The following GDAP2 variants were observed in gnomAD, a reference collection of about 807,000 sequenced individuals.
The protein encoded by GDAP2 is ganglioside-induced differentiation-associated protein 2.
In GDAP2, 51 loss-of-function variants were observed where a neutral mutation model predicts 67.0. The observed-to-expected ratio is 0.76, with a 90% CI of 0.61 to 0.96. The LOEUF (loss-of-function observed/expected upper bound fraction) is 0.96, where lower values mean the gene tolerates loss of function less well. GDAP2 is among the 40% of genes least tolerant of loss of function. GDAP2 has a pLI of 0.00. For synonymous variants in GDAP2, 203 were observed against 207.3 expected (o/e 0.98, Z 0.18); for missense variants, 547 against 588.3 (o/e 0.93, Z 0.73).
chr1:117,890,844 A>G (rs1557799428), intron 8 of GDAP2, among the ~76,000 whole-genome samples: 1 of 152,016 alleles, frequency 6.6e-6, no homozygotes, highest in East Asian at 1.9e-4. Context: ...TCATATTGCT[A>G]ACATTCATCC....
At chr1:117,914,061 C>T (rs1490026939) in intron 3 of GDAP2, among the ~76,000 whole-genome samples, 3 of 152,130 alleles carry the variant, frequency 2.0e-5, no homozygotes, top group South Asian at 2.1e-4. Flanking sequence ...GCCATTCAGC[C>T]TAGGATACTT....
chr1:117,906,493 G>A lies in GDAP2; in HGVS notation c.636+13C>T, dbSNP rs770276417. 1 of 1,396,356 alleles carries A rather than the reference G, an allele frequency of 7.2e-7. No homozygotes were observed. Among genetic ancestry groups the A allele is most frequent in the Admixed American group, 1.8e-5 (1 of 55,310 alleles). The allele number at this position is 1,396,356 out of a possible 1,614,324, so 86.5% of individuals were successfully genotyped here. ...GAAATAAGATTTAAATAACGTAACA[G>A]TTAGCAAAATACCTCTTCAAGATCA... is the stretch of plus-strand genomic sequence containing the variant. On this transcript the variant is annotated intron_variant, in intron 6 of 13. Transcript: ENST00000369443.
intron 8 of GDAP2, among the ~76,000 whole-genome samples, chr1:117,894,018 C>A (rs1197492859): frequency 2.0e-5 from 3 of 152,122 alleles, no homozygotes; most frequent in Non-Finnish European, 4.4e-5. Context: ...TTAATTTCTG[C>A]TAGATTCTCA....
intron 8 of GDAP2, among the ~76,000 whole-genome samples, chr1:117,895,169 G>A (rs563716238): frequency 5.9e-5 from 9 of 152,218 alleles, no homozygotes; most frequent in African/African-American, 1.9e-4. Context: ...TTACAACTAT[G>A]TTTTAAAACA....
intron 6 of GDAP2, among the ~76,000 whole-genome samples, chr1:117,901,616 AATGGTGTGGAGCAC>A (rs1429474097): frequency 3.3e-5 from 5 of 152,214 alleles, no homozygotes; most frequent in Admixed American, 6.5e-5. Context: ...TCTAATGGTT[AATGGTGTGGAGCAC>A]CTTTTCAGTG....
At chr1:117,918,923 C>T (rs1650144013) in intron 2 of GDAP2, among the ~76,000 whole-genome samples, 187 bp from the exon 3 acceptor site, 1 of 152,122 alleles carries the variant, frequency 6.6e-6, no homozygotes, top group South Asian at 2.1e-4. Context: ...ATCTTTAATG[C>T]AATTGTTATA....
At chr1:117,908,995 G>C (rs960931209) in intron 5 of GDAP2, among the ~76,000 whole-genome samples, 11 of 152,048 alleles carry the variant, frequency 7.2e-5, no homozygotes, top group Non-Finnish European at 1.3e-4. Context: ...TCTCTCAGTG[G>C]AATTCATTTA....
chr1:117,913,152 G>T (rs1156362261), intron 3 of GDAP2, among the ~76,000 whole-genome samples: 1 of 152,138 alleles, frequency 6.6e-6, no homozygotes. Context: ...ATTTAAGAGG[G>T]ATACTAGTAG....
In GDAP2 at chr1:117,906,467, A is replaced by G. The variant is rs372858321; in HGVS notation, c.636+39T>C. On this transcript the variant is annotated intron_variant, in intron 6 of 13. Transcript: ENST00000369443. ...AAGCCAAAGTCAAATGCTTAAAGATAGAAATAAGATTTAAATAACGTAACA... is the reference window on the plus strand; with the variant it reads ...AAGCCAAAGTCAAATGCTTAAAGATGGAAATAAGATTTAAATAACGTAACA... 5.7e-6 allele frequency: 6 copies of G among 1,060,226 alleles called. No individual in the cohort carries two copies. In the Admixed American group the frequency reaches 5.9e-5, roughly 10 times the overall value. The allele number at this position is 1,060,226 out of a possible 1,614,324, so 65.7% of individuals were successfully genotyped here. A position where few individuals can be genotyped will look rare whatever the true frequency, so the allele number is the denominator to read the frequency against.
chr1:117,909,548 A>G (rs1258699046), intron 5 of GDAP2, among the ~76,000 whole-genome samples: 1 of 152,232 alleles, frequency 6.6e-6, no homozygotes, highest in East Asian at 1.9e-4. Context: ...ACAAAAGTGT[A>G]TAAGCCATTT....
chr1:117,864,958 A>G lies in GDAP2; in HGVS notation c.*5611T>C, dbSNP rs1648011363. On this transcript the variant is annotated 3_prime_UTR_variant, in exon 14 of 14. Transcript: ENST00000369443. ...CCTTTCCTTGAAAGAGAAAATCTGG[A>G]AGCTAAATGCAGTCTATACTCTTTT... 6.6e-6 allele frequency: 1 copy of G among 152,210 alleles called. No individual in the cohort carries two copies. Among genetic ancestry groups the G allele is most frequent in the Non-Finnish European group, 1.5e-5 (1 of 68,052 alleles). The allele number at this position is 152,210 out of a possible 1,614,324, so 9.4% of individuals were successfully genotyped here. A position where few individuals can be genotyped will look rare whatever the true frequency, so the allele number is the denominator to read the frequency against.
intron 1 of GDAP2, among the ~76,000 whole-genome samples, chr1:117,921,747 A>T (rs936002369): frequency 2.0e-5 from 3 of 152,228 alleles, no homozygotes; most frequent in Admixed American, 2.0e-4. Flanking sequence ...AAATATAAAT[A>T]ATATTTGAAA....
chr1:117,870,484 A>G lies in GDAP2; in HGVS notation c.*85T>C. ...GACAAAAGGCTCTCTGGATCTGTAC[A>G]GCAACAATGAATATCACTTCAACAG... On this transcript the variant is annotated 3_prime_UTR_variant, in exon 14 of 14. Coordinates refer to ENST00000369443, the MANE Select transcript of GDAP2 (RefSeq NM_017686.4). 1.1e-6 allele frequency: 1 copy of G among 871,510 alleles called. No individual in the cohort carries two copies. The highest frequency in any genetic ancestry group is 2.4e-5 in the East Asian group (1 of 41,550). 54.0% of individuals were successfully genotyped at this position (871,510 alleles called of 1,614,324 possible).
At chr1:117,881,705 A>T in intron 12 of GDAP2, 118 bp downstream of exon 12, 2 of 692,788 alleles carry the variant, frequency 2.9e-6, no homozygotes, top group Non-Finnish European at 5.2e-6. Context: ...CTTAGAAACC[A>T]GGAAATTAGC....
Position 117,864,719 on chromosome 1 carries a change from T to C in GDAP2, c.*5850A>G, listed in dbSNP as rs1648002141. 1 of 152,250 alleles carries C rather than the reference T, an allele frequency of 6.6e-6. No individual in the cohort carries two copies. Among genetic ancestry groups the C allele is most frequent in the East Asian group, 1.9e-4 (1 of 5,184 alleles). 9.4% of individuals were successfully genotyped at this position (152,250 alleles called of 1,614,324 possible). Reference sequence around the variant, plus strand: ...TAATAAATATAAATTAAGCAAAAACTGAGGAGCTAAGAGATTTTTTTCCTT... The same window carrying C: ...TAATAAATATAAATTAAGCAAAAACCGAGGAGCTAAGAGATTTTTTTCCTT... On this transcript the variant is annotated 3_prime_UTR_variant, in exon 14 of 14. Transcript: ENST00000369443.
intron 6 of GDAP2, among the ~76,000 whole-genome samples, chr1:117,899,486 G>A (rs2101139291): frequency 6.6e-6 from 1 of 152,128 alleles, no homozygotes; most frequent in East Asian, 1.9e-4. Flanking sequence ...TGCCACTCCT[G>A]TCCCCATCCG....
intron 8 of GDAP2, among the ~76,000 whole-genome samples, chr1:117,888,559 G>A (rs1040012861): frequency 2.6e-5 from 4 of 152,074 alleles, no homozygotes; most frequent in South Asian, 2.1e-4. Flanking sequence ...CTAGATTTCC[G>A]GAAAGGTCAG....
At chr1:117,891,128 G>GAA (rs1649068006) in intron 8 of GDAP2, among the ~76,000 whole-genome samples, 1 of 149,446 alleles carries the variant, frequency 6.7e-6, no homozygotes, top group Non-Finnish European at 1.5e-5. Flanking sequence ...TACTTAATCT[G>GAA]TATATATCAT....
rs1169511810 is a variant in GDAP2 at position 117,870,344 on chromosome 1, CATT to C, written c.*222_*224del. 25 of 516,200 alleles carry C rather than the reference CATT, an allele frequency of 4.8e-5. No individual in the cohort carries two copies. Among genetic ancestry groups the C allele is most frequent in the Non-Finnish European group, 8.5e-5 (25 of 293,602 alleles). 32.0% of individuals were successfully genotyped at this position (516,200 alleles called of 1,614,324 possible). On this transcript the variant is annotated 3_prime_UTR_variant, in exon 14 of 14. Transcript: ENST00000369443. ...TTAACAATCTAAAAATGAACATTTC[CATT>C]TCATATAAATATACAAATTTAAAAT...
Sources: allele counts gnomAD v4.1 joint callset (sites outside exome capture counted in the v4.1 genomes callset), GRCh38; gene constraint gnomAD v4.1.1; transcripts MANE v1.5; gene names NCBI Gene and HGNC (gene_info 2026-07-23, HGNC 2026-07-21).